The following TENM3 variants were observed in gnomAD, a reference collection of about 807,000 sequenced individuals.
TENM3 encodes the protein teneurin transmembrane protein 3.
Under a neutral mutation model 255.1 loss-of-function variants are expected in TENM3, and 63 were observed. The observed-to-expected ratio is 0.25, with a 90% confidence interval of 0.20 to 0.30. The LOEUF (loss-of-function observed/expected upper bound fraction) is 0.30. Among genes scored for constraint, TENM3 ranks in the 10% least tolerant of loss-of-function variants. The probability of loss-of-function intolerance (pLI) is 1.00; values close to 1 mark genes in which losing one functional copy is unlikely to be tolerated. For synonymous variants in TENM3, 1,306 were observed against 1,322.3 expected, an observed-to-expected ratio of 0.99 and a Z score of 0.27; for missense variants, 2,929 against 3,461.1, an observed-to-expected ratio of 0.85 and a Z score of 3.86.
chr4:181,524,352 T>C, the TENM3 span, among the ~76,000 whole-genome samples: 1 of 152,222 alleles, frequency 6.6e-6, no homozygotes, highest in Non-Finnish European at 1.5e-5. Flanking sequence ...CAAACCTCTT[T>C]AGCAAATACC....
the TENM3 span, chr4:182,079,923 G>A: frequency 1.3e-5 from 2 of 152,314 alleles, no homozygotes; most frequent in East Asian, 1.9e-4. Flanking sequence ...CAAAGCTCTC[G>A]ACTACATGTC....
chr4:181,837,485 A>G, the TENM3 span, among the ~76,000 whole-genome samples: 1 of 152,028 alleles, frequency 6.6e-6, no homozygotes, highest in South Asian at 2.1e-4. Flanking sequence ...TCGATTTTCC[A>G]ATGTTAAATC....
intron 3 of TENM3, among the ~76,000 whole-genome samples, chr4:182,385,676 T>A (rs928486101): frequency 5.9e-5 from 9 of 152,220 alleles, no homozygotes; most frequent in African/African-American, 2.2e-4. Context: ...GAAAGTAAAC[T>A]AAATGGGAAA....
the TENM3 span, among the ~76,000 whole-genome samples, chr4:182,000,146 G>T: frequency 6.6e-6 from 1 of 151,978 alleles, no homozygotes; most frequent in African/African-American, 2.4e-5. Context: ...TCAATTAGAT[G>T]GGATTATTTC....
Position 182,416,859 on chromosome 4 carries a change from G to C in TENM3, c.511+69930G>C, listed in dbSNP as rs184251696. On this transcript the variant is annotated intron_variant, in intron 3 of 27. Transcript: ENST00000511685. ...AAAACAAACCATCGGAGAGGCACACGTTGTCTGCATCACTGCCTGCCTCAC... is the reference window on the plus strand; with the variant it reads ...AAAACAAACCATCGGAGAGGCACACCTTGTCTGCATCACTGCCTGCCTCAC... Among the ~76,000 whole-genome samples the C allele has an allele frequency of 3.9e-5, 6 of 152,304 alleles. No individual in the cohort carries two copies. The East Asian group carries it at 1.2e-3, about 29-fold the overall frequency.
chr4:181,748,465 A>G, the TENM3 span, among the ~76,000 whole-genome samples: 1 of 152,114 alleles, frequency 6.6e-6, no homozygotes, highest in Non-Finnish European at 1.5e-5. Context: ...AATGCCATCA[A>G]ACTCACATAG....
chr4:182,055,349 C>CAATA, the TENM3 span, among the ~76,000 whole-genome samples: 19,687 of 148,802 alleles, frequency 0.13, 1,424 homozygotes, highest in East Asian at 0.25. Flanking sequence ...TGTCTCAAAA[C>CAATA]AATAAATAAA....
the TENM3 span, among the ~76,000 whole-genome samples, chr4:181,448,168 T>A: frequency 2.2e-4 from 29 of 132,648 alleles, no homozygotes; most frequent in South Asian, 1.3e-3. Flanking sequence ...TTTTTTTTTT[T>A]TTTTTTTTTT....
chr4:182,132,201 C>G, the TENM3 span, among the ~76,000 whole-genome samples: 1 of 152,048 alleles, frequency 6.6e-6, no homozygotes. Context: ...GGTTATAGGC[C>G]GGGCGCAGTG....
At chr4:182,076,293 C>A in the TENM3 span, among the ~76,000 whole-genome samples, 2 of 151,148 alleles carry the variant, frequency 1.3e-5, no homozygotes, top group African/African-American at 4.9e-5. Context: ...CAACCTCCGC[C>A]TCCTGGGTTC....
At chr4:181,946,663 A>G in the TENM3 span, among the ~76,000 whole-genome samples, 14 of 152,310 alleles carry the variant, frequency 9.2e-5, no homozygotes, top group East Asian at 2.7e-3. Context: ...TGGCTTTTAC[A>G]TTGCTGGGAG....
chr4:182,628,922 T>A, intron 5 of TENM3, 33 bp downstream of exon 5: 1 of 1,249,784 alleles, frequency 8.0e-7, no homozygotes, highest in Non-Finnish European at 1.1e-6. Context: ...ACTTTGTCTG[T>A]AAATCAGGGT....
chr4:182,366,963 G>C (rs549858148), intron 3 of TENM3, among the ~76,000 whole-genome samples: 1 of 151,974 alleles, frequency 6.6e-6, no homozygotes, highest in African/African-American at 2.4e-5. Context: ...TTGAGAGTTC[G>C]TTTTAAGGAA....
the TENM3 span, among the ~76,000 whole-genome samples, chr4:181,871,578 G>A: frequency 2.8e-4 from 43 of 151,902 alleles, no homozygotes; most frequent in Non-Finnish European, 4.4e-5. Flanking sequence ...TACTGTCTCA[G>A]ACTATCCATA....
intron 20 of TENM3, among the ~76,000 whole-genome samples, chr4:182,752,489 G>GA (rs1762443695): frequency 6.6e-6 from 1 of 150,510 alleles, no homozygotes; most frequent in Non-Finnish European, 1.5e-5. Flanking sequence ...TATGCCATGG[G>GA]AAAAAATCCT....
In TENM3 at chr4:182,754,740, G is replaced by C; in HGVS notation, c.4373G>C (p.Cys1458Ser). The C allele has an allele frequency of 6.2e-7, 1 of 1,614,072 alleles. No homozygotes were observed. The highest frequency in any genetic ancestry group is 8.5e-7 in the Non-Finnish European group (1 of 1,179,906). ...CDCKNDANCD[C>S]YQSGDGYAKD... ...TGCAAAAATGATGCCAACTGTGACT[G>C]TTACCAGAGTGGAGATGGCTACGCC... is the stretch of plus-strand genomic sequence containing the variant. The change falls in exon 22 of 28, where the codon TGT becomes TCT. Residue 1458 changes from cysteine to serine, a missense_variant. This residue lies in a region of TENM3 where 1,608 missense variants were observed against 1,884.4 expected (regional missense o/e 0.85). Coordinates refer to ENST00000511685, the MANE Select transcript of TENM3 (RefSeq NM_001080477.4). This position sits in a 1 kb window ranked among gnomAD's most constrained non-coding sequence, Gnocchi z 5.1.
At chr4:181,551,233 T>C in the TENM3 span, among the ~76,000 whole-genome samples, 2 of 152,214 alleles carry the variant, frequency 1.3e-5, no homozygotes, top group South Asian at 4.1e-4. Flanking sequence ...ATTTTGTTCC[T>C]GCTCTTTCTG....
chr4:182,186,771 A>G (rs1579641685), intron 1 of TENM3, among the ~76,000 whole-genome samples: 2 of 17,660 alleles, frequency 1.1e-4, no homozygotes, highest in African/African-American at 5.3e-4. Flanking sequence ...TCATATATAT[A>G]TATATATATA....
At chr4:182,592,955 C>A (rs559998788) in intron 3 of TENM3, among the ~76,000 whole-genome samples, 1 of 152,110 alleles carries the variant, frequency 6.6e-6, no homozygotes, top group African/African-American at 2.4e-5. Flanking sequence ...TTTAAATGTT[C>A]GTCAAGTTCA....
Sources: allele counts gnomAD v4.1 joint callset (sites outside exome capture counted in the v4.1 genomes callset), GRCh38; gene constraint gnomAD v4.1.1; regional missense constraint gnomAD v4.1.1; non-coding constraint Gnocchi (gnomAD v3.1); transcripts MANE v1.5; gene names NCBI Gene and HGNC (gene_info 2026-07-23, HGNC 2026-07-21).